Variants in ACOT7 observed in about 807,000 individuals in gnomAD.
ACOT7 encodes cytosolic acyl coenzyme A thioester hydrolase.
A neutral mutation model predicts 40.2 loss-of-function variants in ACOT7; 12 were observed. The ratio of observed to expected loss-of-function variants is 0.30; its 90% CI spans 0.19 to 0.48. ACOT7 has a LOEUF of 0.48. ACOT7 is among the 20% of genes least tolerant of loss of function. The pLI is 0.99. For missense variants in ACOT7, 395 were observed against 530.8 expected (o/e 0.74, Z 2.51); for synonymous variants, 228 against 219.5 (o/e 1.04, Z -0.34).
At chr1:6,314,076 A>G (rs2148416906) in intron 6 of ACOT7, among the ~76,000 whole-genome samples, 1 of 152,336 alleles carries the variant, frequency 6.6e-6, no homozygotes, top group Admixed American at 6.5e-5. Flanking sequence ...CCTCTAGGGA[A>G]CATGGCAGGG....
chr1:6,273,507 T>G (rs1639098679), intron 8 of ACOT7, among the ~76,000 whole-genome samples: 2 of 152,084 alleles, frequency 1.3e-5, no homozygotes, highest in Non-Finnish European at 2.9e-5. Context: ...AATATTCCAG[T>G]CCATGACTCA....
At chr1:6,285,720 G>T (rs1639483026) in intron 7 of ACOT7, among the ~76,000 whole-genome samples, 1 of 152,242 alleles carries the variant, frequency 6.6e-6, no homozygotes, top group Admixed American at 6.5e-5. Flanking sequence ...CAGAGGCAGG[G>T]CCCGACAAGC....
intron 7 of ACOT7, among the ~76,000 whole-genome samples, chr1:6,284,923 T>A (rs1344357332): frequency 6.6e-6 from 1 of 152,202 alleles, no homozygotes; most frequent in African/African-American, 2.4e-5. Flanking sequence ...GAACCTCGGC[T>A]CAAGCATCCC....
intron 1 of ACOT7, among the ~76,000 whole-genome samples, chr1:6,385,141 G>A (rs1642413133): frequency 6.6e-6 from 1 of 151,906 alleles, no homozygotes; most frequent in Non-Finnish European, 1.5e-5. Context: ...ATCCAGCCTA[G>A]GGACAAAGCA....
At chr1:6,309,903 A>G (rs962007628) in intron 6 of ACOT7, among the ~76,000 whole-genome samples, 2 of 152,238 alleles carry the variant, frequency 1.3e-5, no homozygotes, top group Non-Finnish European at 2.9e-5. Flanking sequence ...TCTTTCTTAA[A>G]TGCCTCCCAT....
chr1:6,387,520 G>A (rs192183705), intron 1 of ACOT7, among the ~76,000 whole-genome samples: 1 of 152,150 alleles, frequency 6.6e-6, no homozygotes, highest in Non-Finnish European at 1.5e-5. Context: ...CCCATGCAGG[G>A]GTCCAAGGAT....
Position 6,306,529 on chromosome 1 carries a change from A to C in ACOT7, c.713-11549T>G. The C allele has an allele frequency of 1.0e-6, 1 of 985,352 alleles. No homozygotes were observed. Among genetic ancestry groups the C allele is most frequent in the Non-Finnish European group, 1.2e-6 (1 of 829,898 alleles). The allele number at this position is 985,352 out of a possible 1,614,324, so 61.0% of individuals were successfully genotyped here. A position where few individuals can be genotyped will look rare whatever the true frequency, so the allele number is the denominator to read the frequency against. ...CTCCCCCGCTGAAGCATCAGGATGG[A>C]CGTGAAGCTGTTCTTCAGAACAGAA... On this transcript the variant is annotated intron_variant, in intron 6 of 8. Coordinates refer to ENST00000361521, the MANE Select transcript of ACOT7 (RefSeq NM_007274.4). This position sits in a 1 kb window ranked among gnomAD's most constrained non-coding sequence, Gnocchi z 4.3.
At chr1:6,304,913 A>C (rs1384319179) in intron 6 of ACOT7, among the ~76,000 whole-genome samples, 3 of 141,674 alleles carry the variant, frequency 2.1e-5, no homozygotes, top group African/African-American at 5.9e-5. Flanking sequence ...TGTTGGGTAC[A>C]CCTCCCAGAC....
intron 6 of ACOT7, among the ~76,000 whole-genome samples, chr1:6,298,444 T>C (rs1639874254): frequency 6.6e-6 from 1 of 152,192 alleles, no homozygotes; most frequent in African/African-American, 2.4e-5. Context: ...TGCATCTCCA[T>C]TTTTCAATCA....
intron 1 of ACOT7, among the ~76,000 whole-genome samples, chr1:6,356,277 GC>G (rs1317117933): frequency 6.6e-6 from 1 of 152,144 alleles, no homozygotes; most frequent in Non-Finnish European, 1.5e-5. Context: ...TGAGGAAACT[GC>G]TTCCGGTTGT....
chr1:6,355,380 G>C lies in ACOT7; in HGVS notation c.144-5514C>G, dbSNP rs1183649799. Among the ~76,000 whole-genome samples the C allele has an allele frequency of 7.9e-5, 12 of 152,200 alleles. No individual in the cohort carries two copies. Among genetic ancestry groups the C allele is most frequent in the African/African-American group, 2.7e-4 (11 of 41,452 alleles). On this transcript the variant is annotated intron_variant, in intron 1 of 8. Transcript: ENST00000361521. This position sits in a 1 kb window ranked among gnomAD's most constrained non-coding sequence, Gnocchi z 5.0. ...CAGCCGTGTATAACGCAGGACATGG[G>C]CCAGCGCCGAGATGTCCACATAAGG...
At chr1:6,351,176 G>C (rs1313665522) in intron 1 of ACOT7, among the ~76,000 whole-genome samples, 2 of 152,190 alleles carry the variant, frequency 1.3e-5, no homozygotes, top group African/African-American at 2.4e-5. Flanking sequence ...CCCATCCCCA[G>C]TGTCACCCCT....
chr1:6,324,201 G>A (rs769608126), intron 5 of ACOT7, among the ~76,000 whole-genome samples: 7 of 152,090 alleles, frequency 4.6e-5, no homozygotes, highest in Non-Finnish European at 1.0e-4. Flanking sequence ...CTGAGATACC[G>A]GCTCTACCAG....
At chr1:6,329,761 C>G (rs1038962684) in intron 4 of ACOT7, among the ~76,000 whole-genome samples, 2 of 152,072 alleles carry the variant, frequency 1.3e-5, no homozygotes, top group African/African-American at 4.8e-5. Flanking sequence ...GCCCAAATAT[C>G]TGAGAGACAG....
intron 6 of ACOT7, among the ~76,000 whole-genome samples, chr1:6,298,529 G>A (rs1639876332): frequency 6.6e-6 from 1 of 152,196 alleles, no homozygotes; most frequent in African/African-American, 2.4e-5. Context: ...GAGTGCAGGT[G>A]AAATACCGGG....
At chr1:6,271,412 A>G (rs981259364) in intron 8 of ACOT7, among the ~76,000 whole-genome samples, 6 of 152,194 alleles carry the variant, frequency 3.9e-5, no homozygotes, top group Non-Finnish European at 7.4e-5. Flanking sequence ...ACAGGAGACA[A>G]GAGGGGTCTT....
At chr1:6,286,173 C>T (rs770165208) in intron 7 of ACOT7, among the ~76,000 whole-genome samples, 4 of 152,238 alleles carry the variant, frequency 2.6e-5, no homozygotes, top group Non-Finnish European at 2.9e-5. Context: ...CGTCCAAATG[C>T]ACCTGCAGTC....
intron 3 of ACOT7, 134 bp from the exon 4 acceptor site, chr1:6,333,702 T>C (rs1641023479): frequency 1.2e-6 from 1 of 842,014 alleles, no homozygotes; most frequent in African/African-American, 1.7e-5. Flanking sequence ...ACCACCTCTC[T>C]GGCCCCCAAC....
At chr1:6,315,757 A>T (rs1016270606) in intron 6 of ACOT7, among the ~76,000 whole-genome samples, 1 of 60,512 alleles carries the variant, frequency 1.7e-5, no homozygotes. Flanking sequence ...TCTGTCTAAA[A>T]AAAAAAAAAA....
Sources: allele counts gnomAD v4.1 joint callset (sites outside exome capture counted in the v4.1 genomes callset), GRCh38; gene constraint gnomAD v4.1.1; non-coding constraint Gnocchi (gnomAD v3.1); transcripts MANE v1.5; gene names NCBI Gene and HGNC (gene_info 2026-07-23, HGNC 2026-07-21).